The following LSAMP variants were observed in gnomAD, a reference collection of about 807,000 sequenced individuals.
LSAMP encodes limbic system associated membrane protein.
A neutral mutation model predicts 38.6 loss-of-function variants in LSAMP; 7 were observed. The ratio of observed to expected loss-of-function variants is 0.18; its 90% CI spans 0.10 to 0.34. LSAMP has a LOEUF of 0.34. Ranked by LOEUF, LSAMP falls within the 10% of genes least tolerant of loss-of-function variation. The pLI is 1.00. For missense variants in LSAMP, 313 were observed against 420.0 expected (o/e 0.75, Z 2.23); for synonymous variants, 154 against 166.8 (o/e 0.92, Z 0.59).
intron 3 of LSAMP, among the ~76,000 whole-genome samples, chr3:116,007,743 T>C (rs553566704): frequency 6.6e-6 from 1 of 152,286 alleles, no homozygotes; most frequent in South Asian, 2.1e-4. Flanking sequence ...CAAATGCTCC[T>C]ATATTTGTGC....
At chr3:115,934,155 T>A (rs896502664) in intron 3 of LSAMP, among the ~76,000 whole-genome samples, 3 of 147,014 alleles carry the variant, frequency 2.0e-5, no homozygotes, top group African/African-American at 7.5e-5. Context: ...TGTGGTGTTT[T>A]ATTTTTTATT....
At chr3:116,177,411 T>C (rs1345828178) in intron 1 of LSAMP, among the ~76,000 whole-genome samples, 3 of 152,046 alleles carry the variant, frequency 2.0e-5, no homozygotes, top group African/African-American at 7.2e-5. Flanking sequence ...ACATGAATAC[T>C]CTACATAAGA....
At chr3:116,086,295 A>G in intron 2 of LSAMP, 29 bp downstream of exon 2, 6 of 1,556,754 alleles carry the variant, frequency 3.9e-6, no homozygotes, top group Non-Finnish European at 5.3e-6. Context: ...CCTCTTTCTT[A>G]CCACCCTTCT....
chr3:116,166,638 T>C (rs933231066), intron 1 of LSAMP, among the ~76,000 whole-genome samples: 3 of 152,114 alleles, frequency 2.0e-5, no homozygotes, highest in East Asian at 3.9e-4. Context: ...CATTGGACCA[T>C]AGGCTTCAAA....
chr3:116,229,523 A>G (rs1307968840), intron 1 of LSAMP, among the ~76,000 whole-genome samples: 1 of 152,138 alleles, frequency 6.6e-6, no homozygotes, highest in African/African-American at 2.4e-5. Flanking sequence ...AGGAACACTT[A>G]TAATTTGTGT....
intron 1 of LSAMP, among the ~76,000 whole-genome samples, chr3:116,292,306 T>A (rs1318263740): frequency 6.6e-6 from 1 of 152,134 alleles, no homozygotes; most frequent in African/African-American, 2.4e-5. Context: ...CACATAAGAA[T>A]GAAAAGAAGA....
intron 2 of LSAMP, among the ~76,000 whole-genome samples, chr3:116,039,957 G>A (rs138243456): frequency 4.6e-5 from 7 of 152,042 alleles, no homozygotes; most frequent in East Asian, 3.9e-4. Context: ...GAGTCCCCAC[G>A]CTCCAGGTAA....
intron 3 of LSAMP, among the ~76,000 whole-genome samples, chr3:115,909,969 C>T (rs976246168): frequency 6.6e-6 from 1 of 152,114 alleles, no homozygotes; most frequent in Non-Finnish European, 1.5e-5. Flanking sequence ...TTTGGGCTTG[C>T]AAATTCGTGT....
chr3:115,873,923 G>C (rs1474790879), intron 3 of LSAMP, among the ~76,000 whole-genome samples: 1 of 152,028 alleles, frequency 6.6e-6, no homozygotes, highest in Non-Finnish European at 1.5e-5. Flanking sequence ...TTCCACGTAG[G>C]AATCAGTCTA....
Position 116,086,179 on chromosome 3 carries a change from T to G in LSAMP, c.388+145A>C, listed in dbSNP as rs1707984654. On this transcript the variant is annotated intron_variant, in intron 2 of 6. Transcript: ENST00000490035. ...TTTGGGTCCTCTCATTTTAAGTGTC[T>G]TTTTAGACAGAAAATCGATACTTAA... is the stretch of plus-strand genomic sequence containing the variant. The G allele has an allele frequency of 1.1e-5, 8 of 713,356 alleles. No homozygotes were observed. In the Admixed American group the frequency reaches 1.8e-4, roughly 16 times the overall value. 44.2% of individuals were successfully genotyped at this position (713,356 alleles called of 1,614,324 possible).
At chr3:116,306,484 TGACG>T in intron 1 of LSAMP, among the ~76,000 whole-genome samples, 1 of 152,134 alleles carries the variant, frequency 6.6e-6, no homozygotes, top group Admixed American at 6.6e-5. Context: ...GTAATGGGAA[TGACG>T]GAGTGAAGAA....
intron 1 of LSAMP, among the ~76,000 whole-genome samples, chr3:116,396,304 G>A (rs1326983726): frequency 6.6e-6 from 1 of 152,180 alleles, no homozygotes; most frequent in Non-Finnish European, 1.5e-5. Flanking sequence ...GGAGGAAAGA[G>A]CGTATCTATG....
chr3:116,330,894 C>A (rs904144639), intron 1 of LSAMP, among the ~76,000 whole-genome samples: 2 of 151,998 alleles, frequency 1.3e-5, no homozygotes, highest in Non-Finnish European at 2.9e-5. Context: ...TAGTATGGCA[C>A]ATTCAGATAT....
At chr3:116,368,400 TAC>T (rs1485412610) in intron 1 of LSAMP, 1 of 152,240 alleles carries the variant, frequency 6.6e-6, no homozygotes, top group Non-Finnish European at 1.5e-5. Flanking sequence ...TCTCTGAAGA[TAC>T]ATTGTTTTTT....
In LSAMP at chr3:116,366,013, T is replaced by TAAATA. The variant is rs1553727854; in HGVS notation, c.155+78863_155+78864insTATTT. Among the ~76,000 whole-genome samples, 105 of 28,686 alleles carry TAAATA rather than the reference T, an allele frequency of 3.7e-3. 6 individuals are homozygous for TAAATA. The highest frequency in any genetic ancestry group is 0.015 in the South Asian group (6 of 388). 18.8% of individuals were successfully genotyped at this position (28,686 alleles called of 152,430 possible). On this transcript the variant is annotated intron_variant, in intron 1 of 6. Coordinates refer to ENST00000490035, the MANE Select transcript of LSAMP (RefSeq NM_002338.5). ...ATGTACCCTAAAACTTAGAGTATAA[T>TAAATA]AAAAAAAAAAAAAAAAAAAAAAAAA...
At chr3:116,340,314 A>G (rs1293418201) in intron 1 of LSAMP, among the ~76,000 whole-genome samples, 1 of 152,044 alleles carries the variant, frequency 6.6e-6, no homozygotes, top group African/African-American at 2.4e-5. Flanking sequence ...TGAAAATTTA[A>G]TATGTATTGC....
In LSAMP at chr3:116,128,090, T is replaced by C. The variant is rs181250392; in HGVS notation, c.156-41534A>G. On this transcript the variant is annotated intron_variant, in intron 1 of 6. Coordinates refer to ENST00000490035, the MANE Select transcript of LSAMP (RefSeq NM_002338.5). ...TGGATGTAATTGTCAAATTTTAACA[T>C]TTGCTCATTAATTCAATTAACACTT... 1.1e-4 allele frequency among the ~76,000 whole-genome samples: 17 copies of C among 152,276 alleles called. No homozygotes were observed. In the East Asian group the frequency reaches 2.7e-3, roughly 24 times the overall value.
intron 1 of LSAMP, among the ~76,000 whole-genome samples, chr3:116,128,223 T>C (rs1157757692): frequency 6.6e-6 from 1 of 152,228 alleles, no homozygotes. Flanking sequence ...AGAAGAATCA[T>C]ATTGATTGAA....
rs1357607874 is a variant in LSAMP, at chr3:115,820,702, A to AT, written c.920-10289dup. On this transcript the variant is annotated intron_variant, in intron 6 of 6. Coordinates refer to ENST00000490035, the MANE Select transcript of LSAMP (RefSeq NM_002338.5). Reference sequence around the variant, plus strand: ...CTTGGTATTTCTCTAGCACAGAAGAATGGTCCAGTAGATATGCTGAAGAAA... The same window carrying AT: ...CTTGGTATTTCTCTAGCACAGAAGAATTGGTCCAGTAGATATGCTGAAGAAA... 2.0e-5 allele frequency among the ~76,000 whole-genome samples: 3 copies of AT among 152,222 alleles called. No homozygotes were observed. In the East Asian group the frequency reaches 5.8e-4, roughly 29 times the overall value.
Sources: allele counts gnomAD v4.1 joint callset (sites outside exome capture counted in the v4.1 genomes callset), GRCh38; gene constraint gnomAD v4.1.1; transcripts MANE v1.5; gene names NCBI Gene and HGNC (gene_info 2026-07-23, HGNC 2026-07-21).